CHODL: variants seen among roughly 807,000 people sequenced by gnomAD.
CHODL encodes transmembrane protein MT75.
In CHODL, 29 loss-of-function variants were observed where a neutral mutation model predicts 34.5. The observed-to-expected ratio is 0.84, with a 90% CI of 0.63 to 1.15. The LOEUF (loss-of-function observed/expected upper bound fraction) is 1.15. CHODL is among the 50% of genes most tolerant of loss of function. The probability of loss-of-function intolerance (pLI) is 0.00; values close to 1 mark genes in which losing one functional copy is unlikely to be tolerated. For synonymous variants in CHODL, 125 were observed against 116.1 expected (o/e 1.08, Z -0.49); for missense variants, 332 against 332.5 (o/e 1.00, Z 0.01).
intron 2 of CHODL, among the ~76,000 whole-genome samples, chr21:18,132,059 TTAA>T (rs2072661055): frequency 6.6e-6 from 1 of 152,146 alleles, no homozygotes; most frequent in Non-Finnish European, 1.5e-5. Flanking sequence ...TAGCCATTGT[TTAA>T]TATTTCTCTT....
intron 2 of CHODL, among the ~76,000 whole-genome samples, chr21:18,235,598 C>A (rs2074021603): frequency 1.3e-5 from 2 of 151,966 alleles, no homozygotes; most frequent in Admixed American, 1.3e-4. Flanking sequence ...GTAGTAGTCA[C>A]CAAGGATAAT....
intron 5 of CHODL, among the ~76,000 whole-genome samples, chr21:18,265,286 T>TAC (rs1324027209): frequency 2.4e-5 from 3 of 126,918 alleles, no homozygotes; most frequent in Admixed American, 1.4e-4. Flanking sequence ...TGTGTATATA[T>TAC]ATACACACAC....
At chr21:18,022,821 T>C (rs1321792582) in intron 1 of CHODL, among the ~76,000 whole-genome samples, 1 of 152,234 alleles carries the variant, frequency 6.6e-6, no homozygotes, top group Non-Finnish European at 1.5e-5. Context: ...TAAACTCCAA[T>C]GAGCATTATC....
rs2074365023 is a variant in CHODL, at chr21:18,260,279, T to C, written c.627T>C (p.Thr209=). The change falls in exon 4 of 6, where the codon ACT becomes ACC. Residue 209 remains threonine, a synonymous_variant. Transcript: ENST00000299295. The stretch of plus-strand genomic sequence containing the variant: ...ACACCCATCAGAATGTGGTTGTTAC[T>C]GAAGCAGGTAATTACTTCATGTGTC... The part of the protein sequence containing the change: ...PGDTHQNVVV[T]EAGIIPNLIY... 6.3e-7 allele frequency: 1 copy of C among 1,582,024 alleles called. No individual in the cohort carries two copies. The highest frequency in any genetic ancestry group is 1.8e-5 in the Admixed American group (1 of 54,852).
At chr21:18,141,720 C>T (rs1057293503) in intron 2 of CHODL, among the ~76,000 whole-genome samples, 3 of 101,118 alleles carry the variant, frequency 3.0e-5, no homozygotes, top group African/African-American at 1.4e-4. Flanking sequence ...TGAGAAAGAA[C>T]AGGAAAAAAA....
At chr21:17,970,891 A>G (rs2063608873) in intron 1 of CHODL, among the ~76,000 whole-genome samples, 1 of 149,378 alleles carries the variant, frequency 6.7e-6, no homozygotes, top group Non-Finnish European at 1.5e-5. Context: ...CCTAGCCCCC[A>G]CCCCCCAACA....
rs146307122 is a variant in CHODL, at chr21:17,997,489, A to G, written c.-144-30383A>G. On this transcript the variant is annotated intron_variant, in intron 1 of 6. Coordinates refer to the CHODL transcript ENST00000400127. ...GAAAATGACTCTTTTGTTGTATTAT[A>G]TGGAGATGGGTAGTAGATTCTATGT... Among the ~76,000 whole-genome samples, 845 of 152,318 alleles carry G rather than the reference A, an allele frequency of 5.5e-3. 8 individuals are homozygous for G. Among genetic ancestry groups the G allele is most frequent in the African/African-American group, 0.013 (555 of 41,572 alleles).
chr21:18,157,946 A>T (rs766807706), intron 2 of CHODL, among the ~76,000 whole-genome samples: 1 of 152,136 alleles, frequency 6.6e-6, no homozygotes, highest in Admixed American at 6.5e-5. Context: ...AATCTATTCC[A>T]GAAAAGAAGT....
chr21:18,015,751 T>C (rs1008381953), intron 1 of CHODL, among the ~76,000 whole-genome samples: 4 of 152,196 alleles, frequency 2.6e-5, no homozygotes, highest in Non-Finnish European at 5.9e-5. Context: ...TACTGGGAAC[T>C]GGAGCAAAGA....
intron 2 of CHODL, among the ~76,000 whole-genome samples, chr21:18,100,797 A>G (rs2065203726): frequency 6.6e-6 from 1 of 152,158 alleles, no homozygotes; most frequent in Non-Finnish European, 1.5e-5. Context: ...GTACATTCAA[A>G]TGATCTGTGA....
intron 1 of CHODL, among the ~76,000 whole-genome samples, chr21:17,977,985 G>A (rs2063680198): frequency 6.6e-6 from 1 of 151,250 alleles, no homozygotes; most frequent in African/African-American, 2.4e-5. Flanking sequence ...GTTTTGGTAG[G>A]GGAATATATT....
intron 2 of CHODL, among the ~76,000 whole-genome samples, chr21:18,171,930 T>C (rs2073237700): frequency 6.6e-6 from 1 of 152,158 alleles, no homozygotes; most frequent in Non-Finnish European, 1.5e-5. Context: ...TTAAGAGTGT[T>C]GGTGCATACC....
chr21:18,188,217 T>A (rs2073466715), intron 2 of CHODL, among the ~76,000 whole-genome samples: 1 of 152,122 alleles, frequency 6.6e-6, no homozygotes, highest in Non-Finnish European at 1.5e-5. Context: ...TTGCCCTCAT[T>A]TCATCCCAAA....
chr21:18,159,925 G>A (rs1020030025), intron 2 of CHODL, among the ~76,000 whole-genome samples: 2 of 152,208 alleles, frequency 1.3e-5, no homozygotes, highest in African/African-American at 4.8e-5. Flanking sequence ...TGGATTCTAA[G>A]AGTCTTCGGA....
intron 2 of CHODL, among the ~76,000 whole-genome samples, chr21:18,096,620 A>T (rs144343712): frequency 6.6e-6 from 1 of 152,232 alleles, no homozygotes; most frequent in East Asian, 1.9e-4. Context: ...CAGACTGGTG[A>T]ATTCTAGTCA....
intron 2 of CHODL, among the ~76,000 whole-genome samples, chr21:18,075,034 G>C (rs1271034123): frequency 1.3e-5 from 2 of 152,164 alleles, no homozygotes; most frequent in Admixed American, 1.3e-4. Context: ...AAAGGGGGTA[G>C]TAAATTGATT....
intron 1 of CHODL, among the ~76,000 whole-genome samples, chr21:17,928,882 TAATA>T (rs1188638246): frequency 3.9e-5 from 6 of 152,238 alleles, no homozygotes; most frequent in Admixed American, 6.5e-5. Flanking sequence ...GGCTTAGAAA[TAATA>T]AATCTGTATT....
intron 2 of CHODL, among the ~76,000 whole-genome samples, chr21:18,177,851 A>G (rs2073335568): frequency 1.3e-5 from 2 of 152,202 alleles, no homozygotes; most frequent in African/African-American, 2.4e-5. Context: ...TATTTATAAT[A>G]CATTTTCAGG....
rs769054020 is a variant in CHODL at position 18,266,009 on chromosome 21, A to G, written c.793A>G (p.Thr265Ala). 5 of 1,613,566 alleles carry G rather than the reference A, an allele frequency of 3.1e-6. No homozygotes were observed. The East Asian group carries it at 8.9e-5, about 29-fold the overall frequency. ...GTCTACACTGTGGATTTCAAAGAGTACCAGAAAAGAAAGTGGCATGGAAGT... is the reference window on the plus strand; with the variant it reads ...GTCTACACTGTGGATTTCAAAGAGTGCCAGAAAAGAAAGTGGCATGGAAGT... ...NQSTLWISKS[T>A]RKESGMEV Residue 265 changes from threonine (T) to alanine (A), a missense_variant, in exon 6 of 6, where the codon ACC becomes GCC. Transcript: ENST00000299295.
Sources: gnomAD v4.1 joint callset for allele counts (sites outside exome capture counted in the v4.1 genomes callset) on GRCh38, gnomAD v4.1.1 for gene constraint, MANE v1.5 for transcripts, NCBI Gene and HGNC (gene_info 2026-07-23, HGNC 2026-07-21) for gene names.